Variants in BMPR2 observed in about 807,000 individuals in gnomAD.
The protein encoded by BMPR2 is bone morphogenetic protein receptor type-2.
BMPR2 carries 29 observed loss-of-function variants against 100.8 expected under a neutral mutation model. The observed-to-expected ratio is 0.29, with a 90% CI of 0.21 to 0.39. The LOEUF is 0.39. BMPR2 is among the 10% of genes least tolerant of loss of function. BMPR2 has a pLI of 1.00. For synonymous variants in BMPR2, 382 were observed against 442.3 expected (o/e 0.86, Z 1.71); for missense variants, 1,011 against 1,274.5 (o/e 0.79, Z 3.15).
chr2:202,515,415 T>C (rs1687694658), intron 5 of BMPR2, among the ~76,000 whole-genome samples: 1 of 147,560 alleles, frequency 6.8e-6, no homozygotes, highest in African/African-American at 2.5e-5. Context: ...CTGCTAAAAA[T>C]ACAAAATTAG....
At chr2:202,416,647 A>G (rs147441545) in intron 1 of BMPR2, among the ~76,000 whole-genome samples, 2 of 150,704 alleles carry the variant, frequency 1.3e-5, no homozygotes, top group Non-Finnish European at 3.0e-5. Flanking sequence ...GATGGTCTCT[A>G]TGTCTTGACC....
intron 1 of BMPR2, among the ~76,000 whole-genome samples, chr2:202,410,353 T>G (rs973336820): frequency 1.3e-5 from 2 of 152,126 alleles, no homozygotes; most frequent in African/African-American, 2.4e-5. Flanking sequence ...ATTCCAGGAC[T>G]GAGGCAGGGA....
At chr2:202,516,875 A>G (rs773923339) in intron 5 of BMPR2, among the ~76,000 whole-genome samples, 12 of 152,234 alleles carry the variant, frequency 7.9e-5, no homozygotes, top group Non-Finnish European at 2.9e-5. Context: ...ATCTGGAAAC[A>G]GTGTATGAAA....
At chr2:202,443,761 A>C (rs1290728174) in intron 1 of BMPR2, among the ~76,000 whole-genome samples, 1 of 150,270 alleles carries the variant, frequency 6.7e-6, no homozygotes, top group African/African-American at 2.5e-5. Flanking sequence ...TTTTTGGTAG[A>C]GACTATTGGT....
At chr2:202,436,499 G>A (rs1053896064) in intron 1 of BMPR2, among the ~76,000 whole-genome samples, 4 of 150,450 alleles carry the variant, frequency 2.7e-5, no homozygotes, top group East Asian at 1.9e-4. Context: ...AACAAAAGCC[G>A]AAAAGAAAAG....
intron 1 of BMPR2, among the ~76,000 whole-genome samples, chr2:202,450,684 T>G (rs963058640): frequency 3.6e-5 from 3 of 83,668 alleles, no homozygotes; most frequent in African/African-American, 1.5e-4. Context: ...AAAGTGAAAC[T>G]CCATCTCAAA....
chr2:202,504,367 C>A (rs1238557516), intron 3 of BMPR2, among the ~76,000 whole-genome samples: 1 of 152,066 alleles, frequency 6.6e-6, no homozygotes, highest in Non-Finnish European at 1.5e-5. Flanking sequence ...GACCAGGAGC[C>A]CACCAGGAGG....
intron 3 of BMPR2, among the ~76,000 whole-genome samples, chr2:202,502,767 C>A (rs180706285): frequency 1.3e-5 from 2 of 152,124 alleles, no homozygotes; most frequent in African/African-American, 4.8e-5. Flanking sequence ...ACTAACCAGT[C>A]GGGGGTAGCA....
intron 3 of BMPR2, among the ~76,000 whole-genome samples, chr2:202,485,319 T>C (rs1692750118): frequency 6.6e-6 from 1 of 152,002 alleles, no homozygotes; most frequent in South Asian, 2.1e-4. Context: ...AAATTTGTTC[T>C]TGGACAGCTT....
intron 1 of BMPR2, among the ~76,000 whole-genome samples, chr2:202,448,103 A>G (rs954443516): frequency 8.7e-5 from 13 of 150,014 alleles, no homozygotes; most frequent in Non-Finnish European, 2.9e-5. Flanking sequence ...GGTTTAGAAT[A>G]CTGCCGGGCA....
intron 1 of BMPR2, among the ~76,000 whole-genome samples, chr2:202,381,161 G>A (rs1272508039): frequency 2.0e-5 from 3 of 151,632 alleles, no homozygotes; most frequent in Admixed American, 2.0e-4. Context: ...TTTTAGTAGA[G>A]ACGTGGTTTT....
rs563326644 is a variant in BMPR2 at position 202,516,558 on chromosome 2, G to T, written c.621+1579G>T. ...CTGGGTGTGGTGGCACATGCCTGTA[G>T]TCCCAGCTACTCGGGAGGCTGAGGT... On this transcript the variant is annotated intron_variant, in intron 5 of 12. Transcript: ENST00000374580. 3.9e-5 allele frequency among the ~76,000 whole-genome samples: 6 copies of T among 152,126 alleles called. No homozygotes were observed. The South Asian group carries it at 1.2e-3, about 32-fold the overall frequency.
chr2:202,556,672 C>A, intron 12 of BMPR2, 141 bp downstream of exon 12: 2 of 1,071,300 alleles, frequency 1.9e-6, no homozygotes, highest in Non-Finnish European at 1.4e-6. Flanking sequence ...TGAGGCGGGG[C>A]ACAGTGGCTC....
At chr2:202,387,100 G>T (rs1690445690) in intron 1 of BMPR2, among the ~76,000 whole-genome samples, 1 of 152,282 alleles carries the variant, frequency 6.6e-6, no homozygotes, top group East Asian at 1.9e-4. Flanking sequence ...TCTGGCTTCT[G>T]CAATTTATGA....
intron 1 of BMPR2, among the ~76,000 whole-genome samples, chr2:202,418,717 A>G (rs1691191389): frequency 6.6e-6 from 1 of 152,190 alleles, no homozygotes; most frequent in African/African-American, 2.4e-5. Flanking sequence ...GGTTAAGATA[A>G]GGGGTGGGGG....
At chr2:202,461,340 C>T (rs552080191) in intron 1 of BMPR2, among the ~76,000 whole-genome samples, 62 of 152,044 alleles carry the variant, frequency 4.1e-4, no homozygotes, top group African/African-American at 1.3e-3. Context: ...CAAAATTAGC[C>T]GGGCGTGGTG....
chr2:202,529,491 A>G (rs998018043), intron 7 of BMPR2, among the ~76,000 whole-genome samples: 2 of 152,198 alleles, frequency 1.3e-5, no homozygotes, highest in African/African-American at 2.4e-5. Flanking sequence ...GTTTTCCTAT[A>G]TAAATATTAG....
At chr2:202,422,051 G>A (rs1037796593) in intron 1 of BMPR2, among the ~76,000 whole-genome samples, 3 of 152,002 alleles carry the variant, frequency 2.0e-5, no homozygotes, top group African/African-American at 7.3e-5. Flanking sequence ...TGGGATAACA[G>A]GCACAAACCA....
chr2:202,526,978 C>T (rs556879063), intron 7 of BMPR2, among the ~76,000 whole-genome samples: 30 of 152,206 alleles, frequency 2.0e-4, no homozygotes, highest in African/African-American at 7.0e-4. Context: ...ATTCTCCTGC[C>T]TCAGCCTCCC....
Sources: gnomAD v4.1 joint callset for allele counts (sites outside exome capture counted in the v4.1 genomes callset) on GRCh38, gnomAD v4.1.1 for gene constraint, MANE v1.5 for transcripts, NCBI Gene and HGNC (gene_info 2026-07-23, HGNC 2026-07-21) for gene names.